The following CAST variants were observed in gnomAD, a reference collection of about 807,000 sequenced individuals.
The protein encoded by CAST is calpastatin, also known as MIR583 host.
Under a neutral mutation model 119.6 loss-of-function variants are expected in CAST, and 76 were observed. The ratio of observed to expected loss-of-function variants is 0.64; its 90% CI spans 0.53 to 0.77. The LOEUF (loss-of-function observed/expected upper bound fraction) is 0.77, where lower values mean the gene tolerates loss of function less well. CAST is among the 30% of genes least tolerant of loss of function. The pLI is 0.00. For synonymous variants in CAST, 319 were observed against 331.6 expected (o/e 0.96, Z 0.41); for missense variants, 953 against 946.5 (o/e 1.01, Z -0.09).
chr5:96,202,824 G>A, the CAST span, among the ~76,000 whole-genome samples: 14 of 152,020 alleles, frequency 9.2e-5, no homozygotes, highest in Non-Finnish European at 1.9e-4. Context: ...AATATTGACT[G>A]TTGAACTGAG....
chr5:96,374,312 A>C, the CAST span, among the ~76,000 whole-genome samples: 10 of 152,300 alleles, frequency 6.6e-5, no homozygotes, highest in African/African-American at 2.2e-4. Context: ...AGGACCACAT[A>C]ATAGAGGGTC....
At chr5:96,503,236 T>A in the CAST span, among the ~76,000 whole-genome samples, 2 of 152,228 alleles carry the variant, frequency 1.3e-5, no homozygotes, top group African/African-American at 4.8e-5. Context: ...TTTTCACTTA[T>A]ATGTCCTTAC....
chr5:96,613,497 G>A (rs377243219), intron 1 of CAST, among the ~76,000 whole-genome samples: 7 of 151,924 alleles, frequency 4.6e-5, no homozygotes, highest in Middle Eastern at 3.4e-3. Flanking sequence ...ATATTTTCAC[G>A]TTCATTTTCT....
At chr5:96,427,502 A>G in the CAST span, among the ~76,000 whole-genome samples, 1 of 152,190 alleles carries the variant, frequency 6.6e-6, no homozygotes, top group Non-Finnish European at 1.5e-5. Context: ...TTCCTAAAAT[A>G]AAATTATTCT....
the CAST span, chr5:95,961,542 C>G: frequency 6.5e-7 from 1 of 1,544,306 alleles, no homozygotes; most frequent in Non-Finnish European, 8.7e-7. Flanking sequence ...CGCTCTGCCT[C>G]TCTGAGCCCA....
At chr5:96,589,829 G>A (rs192973407) in intron 1 of CAST, among the ~76,000 whole-genome samples, 15 of 152,218 alleles carry the variant, frequency 9.9e-5, no homozygotes, top group African/African-American at 2.6e-4. Context: ...GTCTTTCTTC[G>A]ATTATAAGAA....
At chr5:96,345,500 A>T in the CAST span, among the ~76,000 whole-genome samples, 1 of 152,202 alleles carries the variant, frequency 6.6e-6, no homozygotes, top group South Asian at 2.1e-4. Context: ...CGTCTAACTC[A>T]GTGCAAATGC....
chr5:96,394,488 G>C, the CAST span, among the ~76,000 whole-genome samples: 1 of 152,128 alleles, frequency 6.6e-6, no homozygotes, highest in Non-Finnish European at 1.5e-5. Context: ...TCCTTCCTAG[G>C]TTATAGGGAT....
intron 1 of CAST, among the ~76,000 whole-genome samples, chr5:96,542,350 A>G (rs1254844623): frequency 6.6e-6 from 1 of 151,516 alleles, no homozygotes; most frequent in Non-Finnish European, 1.5e-5. Flanking sequence ...GTTTTGTAAG[A>G]AACTGTCAAA....
At chr5:96,412,276 G>A in the CAST span, 7 of 1,497,536 alleles carry the variant, frequency 4.7e-6, no homozygotes, top group Non-Finnish European at 6.5e-6. Context: ...ATATCCAGAT[G>A]GTCAGGTTTC....
At chr5:96,079,840 C>T in the CAST span, among the ~76,000 whole-genome samples, 2 of 152,124 alleles carry the variant, frequency 1.3e-5, 1 homozygote, top group South Asian at 4.1e-4. Flanking sequence ...TTATCCTATT[C>T]TTTTAAATGG....
At chr5:96,431,460 T>C in the CAST span, among the ~76,000 whole-genome samples, 1 of 152,200 alleles carries the variant, frequency 6.6e-6, no homozygotes, top group Non-Finnish European at 1.5e-5. Context: ...ATTACACAAA[T>C]TACAATCAGT....
the CAST span, among the ~76,000 whole-genome samples, chr5:96,227,687 G>A: frequency 6.6e-6 from 1 of 152,114 alleles, no homozygotes; most frequent in Non-Finnish European, 1.5e-5. Flanking sequence ...CAGCTTCCTT[G>A]TTTTTTGTTA....
the CAST span, among the ~76,000 whole-genome samples, chr5:96,152,069 A>C: frequency 6.6e-6 from 1 of 152,184 alleles, no homozygotes; most frequent in Non-Finnish European, 1.5e-5. Context: ...GGAGGGAGGG[A>C]AAACCCTTGA....
At chr5:96,117,060 C>T in the CAST span, among the ~76,000 whole-genome samples, 4 of 152,168 alleles carry the variant, frequency 2.6e-5, no homozygotes, top group East Asian at 1.9e-4. Flanking sequence ...TAAGGATCTC[C>T]GCCTTGGAGG....
chr5:96,740,924 A>G (rs531007060), intron 13 of CAST, 141 bp downstream of exon 13: 2 of 659,264 alleles, frequency 3.0e-6, no homozygotes, highest in African/African-American at 1.8e-5. Context: ...GTTCAGAGAA[A>G]GGGGTTGGTG....
intron 1 of CAST, among the ~76,000 whole-genome samples, chr5:96,593,273 C>T (rs1481139382): frequency 6.6e-6 from 1 of 152,212 alleles, no homozygotes; most frequent in Non-Finnish European, 1.5e-5. Flanking sequence ...AGCTTCAGCT[C>T]CAGCGTCACC....
At chr5:96,411,620 G>A in the CAST span, among the ~76,000 whole-genome samples, 3 of 152,138 alleles carry the variant, frequency 2.0e-5, no homozygotes, top group African/African-American at 4.8e-5. Context: ...AAGGCAACAC[G>A]TTTCTATATT....
the CAST span, among the ~76,000 whole-genome samples, chr5:96,013,738 A>G: frequency 1.3e-5 from 2 of 152,156 alleles, no homozygotes; most frequent in Non-Finnish European, 2.9e-5. Context: ...ATTATAATAC[A>G]ATGGTAGGTA....
Sources: allele counts gnomAD v4.1 joint callset (sites outside exome capture counted in the v4.1 genomes callset), GRCh38; gene constraint gnomAD v4.1.1; transcripts MANE v1.5; gene names NCBI Gene and HGNC (gene_info 2026-07-23, HGNC 2026-07-21).